Variants in NCOA1 observed in about 807,000 individuals in gnomAD.
NCOA1 encodes Hin-2 protein.
A neutral mutation model predicts 150.9 loss-of-function variants in NCOA1; 35 were observed. That is an observed-to-expected ratio of 0.23 (90% CI 0.18 to 0.31). The LOEUF is 0.31. Among genes scored for constraint, NCOA1 ranks in the 10% least tolerant of loss-of-function variants. The pLI is 1.00. For synonymous variants in NCOA1, 590 were observed against 630.0 expected, an observed-to-expected ratio of 0.94 and a Z score of 0.95; for missense variants, 1,491 against 1,749.3, an observed-to-expected ratio of 0.85 and a Z score of 2.63.
At chr2:24,601,381 T>G (rs956000202) in intron 3 of NCOA1, among the ~76,000 whole-genome samples, 2 of 152,050 alleles carry the variant, frequency 1.3e-5, no homozygotes, top group Admixed American at 6.5e-5. Flanking sequence ...CCCAGCTAAG[T>G]TTTTAAAAAA....
chr2:24,649,474 C>T (rs1486681053), intron 4 of NCOA1, among the ~76,000 whole-genome samples: 2 of 152,194 alleles, frequency 1.3e-5, no homozygotes, highest in African/African-American at 2.4e-5. Context: ...AGTATACCTG[C>T]ATAACTCTAT....
chr2:24,602,070 T>C (rs1668148296), intron 3 of NCOA1, among the ~76,000 whole-genome samples: 1 of 152,194 alleles, frequency 6.6e-6, no homozygotes, highest in Admixed American at 6.5e-5. Flanking sequence ...CAAAAAATAC[T>C]CATTATAATT....
At chr2:24,600,384 T>G (rs571706417) in intron 3 of NCOA1, among the ~76,000 whole-genome samples, 1 of 152,236 alleles carries the variant, frequency 6.6e-6, no homozygotes, top group Non-Finnish European at 1.5e-5. Context: ...TTTTTGTATT[T>G]TTTGTAGAGA....
chr2:24,559,023 T>A (rs1238593857), intron 1 of NCOA1, among the ~76,000 whole-genome samples: 1 of 152,066 alleles, frequency 6.6e-6, no homozygotes, highest in Non-Finnish European at 1.5e-5. Flanking sequence ...AACGTGGGGG[T>A]CCATGGCAAC....
chr2:24,678,396 A>G (rs1672017294), intron 7 of NCOA1, among the ~76,000 whole-genome samples: 1 of 152,182 alleles, frequency 6.6e-6, no homozygotes, highest in South Asian at 2.1e-4. Context: ...CTCTTTGGAT[A>G]TATACTCAGT....
At chr2:24,746,484 G>A (rs1663926781) in intron 19 of NCOA1, among the ~76,000 whole-genome samples, 1 of 152,238 alleles carries the variant, frequency 6.6e-6, no homozygotes. Context: ...GGAGGTTGCA[G>A]CGAGCCAAGA....
At chr2:24,623,429 G>C (rs1669266290) in intron 3 of NCOA1, among the ~76,000 whole-genome samples, 1 of 152,062 alleles carries the variant, frequency 6.6e-6, no homozygotes, top group Non-Finnish European at 1.5e-5. Context: ...CACTGTTCTT[G>C]GATATCATCT....
At chr2:24,713,634 T>G (rs1331352292) in intron 14 of NCOA1, among the ~76,000 whole-genome samples, 3 of 152,184 alleles carry the variant, frequency 2.0e-5, no homozygotes, top group Non-Finnish European at 2.9e-5. Context: ...AGCAAATACA[T>G]TAAACAATTC....
chr2:24,747,380 C>A (rs537193711), intron 19 of NCOA1, among the ~76,000 whole-genome samples: 3 of 145,052 alleles, frequency 2.1e-5, no homozygotes, highest in Non-Finnish European at 3.0e-5. Context: ...GCTCTGTTGC[C>A]CAGGAGTGGC....
intron 1 of NCOA1, among the ~76,000 whole-genome samples, chr2:24,535,242 G>C (rs998320474): frequency 1.3e-5 from 2 of 152,028 alleles, no homozygotes; most frequent in African/African-American, 4.8e-5. Context: ...TTGGTTTAAA[G>C]TCTGTTTTAT....
chr2:24,589,802 C>G (rs527810161), intron 3 of NCOA1, among the ~76,000 whole-genome samples: 2 of 152,298 alleles, frequency 1.3e-5, no homozygotes, highest in East Asian at 1.9e-4. Flanking sequence ...ATCAGACATT[C>G]TTTTCTTCTG....
At chr2:24,739,353 A>G in intron 17 of NCOA1, 79 bp from the exon 18 acceptor site, 2 of 1,020,138 alleles carry the variant, frequency 2.0e-6, no homozygotes, top group East Asian at 2.4e-5. Context: ...AGTAATCAAT[A>G]GAAAGTTTGT....
intron 3 of NCOA1, among the ~76,000 whole-genome samples, chr2:24,590,960 T>C (rs1265813899): frequency 6.6e-6 from 1 of 152,202 alleles, no homozygotes; most frequent in African/African-American, 2.4e-5. Flanking sequence ...ACGATTTTGC[T>C]TACTACTGTA....
chr2:24,533,766 A>G (rs1415083115), intron 1 of NCOA1, among the ~76,000 whole-genome samples: 1 of 152,212 alleles, frequency 6.6e-6, no homozygotes, highest in East Asian at 1.9e-4. Context: ...CGTATGTTGA[A>G]CGAGCCTTGC....
chr2:24,727,138 C>CAAAA (rs755486331), intron 15 of NCOA1, among the ~76,000 whole-genome samples: 4 of 43,266 alleles, frequency 9.2e-5, no homozygotes, highest in Non-Finnish European at 1.9e-4. Context: ...AACTCTGTCT[C>CAAAA]AAAAAAAAAA....
intron 1 of NCOA1, among the ~76,000 whole-genome samples, chr2:24,522,506 A>G (rs968410815): frequency 6.6e-6 from 1 of 152,184 alleles, no homozygotes; most frequent in African/African-American, 2.4e-5. Context: ...TGATAAGGGT[A>G]CATGTTAGAA....
chr2:24,579,351 G>A (rs923807541), intron 2 of NCOA1, among the ~76,000 whole-genome samples: 2 of 152,206 alleles, frequency 1.3e-5, no homozygotes, highest in Non-Finnish European at 2.9e-5. Context: ...ACAGAATTCT[G>A]AGTGGACTTG....
intron 1 of NCOA1, among the ~76,000 whole-genome samples, chr2:24,516,186 CTT>C (rs755818385): frequency 1.2e-3 from 110 of 93,008 alleles, no homozygotes; most frequent in East Asian, 7.7e-3. Flanking sequence ...TAGGTTTTGC[CTT>C]TTTTTTTTTT....
At chr2:24,588,507 C>G (rs1165335241) in intron 3 of NCOA1, among the ~76,000 whole-genome samples, 3 of 152,286 alleles carry the variant, frequency 2.0e-5, no homozygotes, top group African/African-American at 4.8e-5. Flanking sequence ...CTTTTTCCCC[C>G]CTCTCCGTTG....
Sources: allele counts gnomAD v4.1 joint callset (sites outside exome capture counted in the v4.1 genomes callset), GRCh38; gene constraint gnomAD v4.1.1; transcripts MANE v1.5; gene names NCBI Gene and HGNC (gene_info 2026-07-23, HGNC 2026-07-21).